FNDC3B: variants seen among roughly 807,000 people sequenced by gnomAD.
The protein encoded by FNDC3B is fibronectin type III domain-containing protein 3B.
Under a neutral mutation model 151.5 loss-of-function variants are expected in FNDC3B, and 12 were observed. The observed-to-expected ratio is 0.08, with a 90% CI of 0.05 to 0.13. The LOEUF (loss-of-function observed/expected upper bound fraction) is 0.13. Ranked by LOEUF, FNDC3B falls within the 10% of genes least tolerant of loss-of-function variation. FNDC3B has a pLI of 1.00. For missense variants in FNDC3B, 1,214 were observed against 1,505.3 expected, an observed-to-expected ratio of 0.81 and a Z score of 3.20; for synonymous variants, 528 against 549.0, an observed-to-expected ratio of 0.96 and a Z score of 0.54.
chr3:172,217,750 G>A (rs1177302375), intron 3 of FNDC3B, among the ~76,000 whole-genome samples: 1 of 152,094 alleles, frequency 6.6e-6, no homozygotes, highest in African/African-American at 2.4e-5. Flanking sequence ...GATTTAAGAA[G>A]CTTGTCTTAT....
intron 6 of FNDC3B, among the ~76,000 whole-genome samples, chr3:172,280,624 G>C (rs1393859524): frequency 1.3e-5 from 2 of 152,244 alleles, no homozygotes; most frequent in Non-Finnish European, 2.9e-5. Context: ...CCATTGGAAT[G>C]ATAGAGCTGT....
At chr3:172,119,319 A>AAT (rs1352313502) in intron 2 of FNDC3B, among the ~76,000 whole-genome samples, 1 of 151,942 alleles carries the variant, frequency 6.6e-6, no homozygotes, top group Non-Finnish European at 1.5e-5. Flanking sequence ...CAGAAAGATG[A>AAT]ATAAGGCACT....
intron 13 of FNDC3B, among the ~76,000 whole-genome samples, chr3:172,331,398 C>T (rs558825064): frequency 1.3e-5 from 2 of 152,274 alleles, no homozygotes; most frequent in South Asian, 2.1e-4. Flanking sequence ...TGCTCTGTCA[C>T]CCAGGCTGGA....
chr3:172,344,333 C>G, intron 19 of FNDC3B, 75 bp downstream of exon 19: 1 of 1,385,426 alleles, frequency 7.2e-7, no homozygotes, highest in Non-Finnish European at 9.7e-7. Flanking sequence ...ACTTCTGTCT[C>G]TAGCCTCCTG....
intron 6 of FNDC3B, among the ~76,000 whole-genome samples, chr3:172,255,802 C>T (rs559452978): frequency 1.4e-4 from 21 of 152,306 alleles, no homozygotes; most frequent in Admixed American, 3.3e-4. Flanking sequence ...CACATCTCCT[C>T]GTCACCTCGT....
rs1226665569 is a variant in FNDC3B at position 172,397,677 on chromosome 3, A to T, written c.*202A>T. ...AAGGTTAAACTGGATTTTTTTTTTT[A>T]AAAAAAAGAAAAAAAAAGAAGAAAA... On this transcript the variant is annotated 3_prime_UTR_variant, in exon 26 of 26. Coordinates refer to ENST00000415807, the MANE Select transcript of FNDC3B (RefSeq NM_022763.4). 1.1e-4 allele frequency: 26 copies of T among 233,708 alleles called. No homozygotes were observed. The highest frequency in any genetic ancestry group is 9.7e-4 in the Middle Eastern group (1 of 1,032). 14.5% of individuals were successfully genotyped at this position (233,708 alleles called of 1,614,324 possible). A position where few individuals can be genotyped will look rare whatever the true frequency, so the allele number is the denominator to read the frequency against.
rs756680584 is a variant in FNDC3B at position 172,247,737 on chromosome 3, C to G, written c.469C>G (p.Pro157Ala). 6 of 1,614,116 alleles carry G rather than the reference C, an allele frequency of 3.7e-6. No homozygotes were observed. The highest frequency in any genetic ancestry group is 5.1e-6 in the Non-Finnish European group (6 of 1,180,010). Residue 157 changes from proline to alanine, a missense_variant, in exon 5 of 26, where the codon CCC becomes GCC. Pro to Ala is a conservative substitution (Grantham distance 27). Coordinates refer to ENST00000415807, the MANE Select transcript of FNDC3B (RefSeq NM_022763.4). The stretch of plus-strand genomic sequence containing the variant: ...TGGAGATATGCCGCCTCAGTTTTTT[C>G]CCCAGCATCATCTTCCCCACACAAT... Reference protein sequence around the residue: ...GPGDMPPQFFPQHHLPHTIYG... With the variant: ...GPGDMPPQFFAQHHLPHTIYG...
chr3:172,098,445 A>C (rs1432528168), intron 1 of FNDC3B, among the ~76,000 whole-genome samples: 1 of 152,210 alleles, frequency 6.6e-6, no homozygotes, highest in East Asian at 1.9e-4. Context: ...TTGGCTTTGC[A>C]GTTAAACACA....
At chr3:172,075,606 C>T (rs1717969309) in intron 1 of FNDC3B, among the ~76,000 whole-genome samples, 1 of 152,052 alleles carries the variant, frequency 6.6e-6, no homozygotes, top group Admixed American at 6.6e-5. Context: ...AAACATGTCT[C>T]ATTTTTATAT....
intron 2 of FNDC3B, among the ~76,000 whole-genome samples, chr3:172,124,129 C>A (rs529491111): frequency 6.6e-6 from 1 of 152,042 alleles, no homozygotes; most frequent in African/African-American, 2.4e-5. Flanking sequence ...CTTGCTCTGT[C>A]GCCCAGGCTG....
chr3:172,071,755 T>G (rs186377516), intron 1 of FNDC3B, among the ~76,000 whole-genome samples: 2 of 152,308 alleles, frequency 1.3e-5, no homozygotes, highest in Admixed American at 6.5e-5. Context: ...TGCACATTTT[T>G]GGGGGCTTTG....
intron 11 of FNDC3B, among the ~76,000 whole-genome samples, chr3:172,324,402 G>A (rs540569928): frequency 2.3e-4 from 35 of 152,270 alleles, no homozygotes; most frequent in South Asian, 6.2e-4. Flanking sequence ...AATGAAGATA[G>A]ATAAGCAACA....
Position 172,234,786 on chromosome 3 carries a change from A to G in FNDC3B, c.264+7839A>G, listed in dbSNP as rs1227310609. Among the ~76,000 whole-genome samples, 5 of 152,198 alleles carry G rather than the reference A, an allele frequency of 3.3e-5. No individual in the cohort carries two copies. In the East Asian group the frequency reaches 9.6e-4, roughly 29 times the overall value. On this transcript the variant is annotated intron_variant, in intron 4 of 25. Coordinates refer to ENST00000415807, the MANE Select transcript of FNDC3B (RefSeq NM_022763.4). ...TTATTATAATCTATCTTTCTAAACT[A>G]GTAAGTCATATTTGTCATATGTAAT...
intron 4 of FNDC3B, among the ~76,000 whole-genome samples, chr3:172,246,711 C>T (rs564230575): frequency 4.6e-5 from 7 of 152,282 alleles, no homozygotes; most frequent in Admixed American, 1.3e-4. Flanking sequence ...ATCACACCTG[C>T]GTGTAGCCAC....
chr3:172,231,362 G>A (rs1164282188), intron 4 of FNDC3B, among the ~76,000 whole-genome samples: 1 of 152,214 alleles, frequency 6.6e-6, no homozygotes, highest in Non-Finnish European at 1.5e-5. Flanking sequence ...GAAGTAGATA[G>A]TGGTAGTGGT....
chr3:172,330,802 G>A, intron 13 of FNDC3B, 87 bp downstream of exon 13: 9 of 1,071,454 alleles, frequency 8.4e-6, no homozygotes, highest in Non-Finnish European at 1.1e-5. Flanking sequence ...TAGATTAACT[G>A]CATCAGTTCA....
chr3:172,288,685 G>A (rs1292024114), intron 7 of FNDC3B, among the ~76,000 whole-genome samples: 7 of 152,204 alleles, frequency 4.6e-5, no homozygotes, highest in East Asian at 1.9e-4. Context: ...CTGTAGATCC[G>A]CATTTATATC....
chr3:172,096,929 C>T (rs1293209698), intron 1 of FNDC3B, among the ~76,000 whole-genome samples: 4 of 152,282 alleles, frequency 2.6e-5, no homozygotes, highest in South Asian at 4.1e-4. Context: ...TGGGTAGTTA[C>T]TTTTCCACTG....
At chr3:172,235,421 G>A (rs1333562773) in intron 4 of FNDC3B, among the ~76,000 whole-genome samples, 1 of 152,148 alleles carries the variant, frequency 6.6e-6, no homozygotes, top group East Asian at 1.9e-4. Context: ...ATCTTATTTT[G>A]GGGGGATTAG....
Sources: allele counts gnomAD v4.1 joint callset (sites outside exome capture counted in the v4.1 genomes callset), GRCh38; gene constraint gnomAD v4.1.1; transcripts MANE v1.5; gene names NCBI Gene and HGNC (gene_info 2026-07-23, HGNC 2026-07-21).